Variants in C1orf159 observed in about 807,000 individuals in gnomAD.
C1orf159 encodes the protein uncharacterized protein C1orf159.
Under a neutral mutation model 25.6 loss-of-function variants are expected in C1orf159, and 19 were observed. The ratio of observed to expected loss-of-function variants is 0.74; its 90% CI spans 0.52 to 1.09. C1orf159 has a LOEUF of 1.09. C1orf159 is among the 50% of genes least tolerant of loss of function. The probability of loss-of-function intolerance (pLI) is 0.00; values close to 1 mark genes in which losing one functional copy is unlikely to be tolerated. For missense variants in C1orf159, 274 were observed against 290.6 expected, an observed-to-expected ratio of 0.94 and a Z score of 0.42; for synonymous variants, 139 against 124.7, an observed-to-expected ratio of 1.12 and a Z score of -0.77.
chr1:1,092,153 G>C lies in C1orf159; in HGVS notation c.-135-50C>G, dbSNP rs543575112. ...GCCGTGGTCACGCGAGGGCAACCCA[G>C]GTGGGCCGTGGCCTACGGTGCGGGG... On this transcript the variant is annotated intron_variant, in intron 1 of 9. Transcript: ENST00000421241. The C allele has an allele frequency of 5.3e-4, 192 of 362,288 alleles. 1 individual carries two copies. The highest frequency in any genetic ancestry group is 3.8e-3 in the African/African-American group (178 of 47,282). 22.4% of individuals were successfully genotyped at this position (362,288 alleles called of 1,614,324 possible).
At chr1:1,086,089 C>T (rs1159652202) in intron 6 of C1orf159, 77 bp from the exon 7 acceptor site, 3 of 1,539,486 alleles carry the variant, frequency 1.9e-6, no homozygotes, top group Non-Finnish European at 1.8e-6. Context: ...GCCCCCTGCA[C>T]ATGGCAGATG....
intron 4 of C1orf159, 25 bp downstream of exon 4, chr1:1,090,328 A>G: frequency 6.5e-7 from 1 of 1,550,064 alleles, no homozygotes; most frequent in Non-Finnish European, 8.7e-7. Flanking sequence ...CCGGTCTGGA[A>G]TCTGCTTGGG....
At position 1,083,049 on chromosome 1, in the gene C1orf159, C is replaced by T. The variant is rs114324980; in HGVS notation, c.503-62G>A. ...ACCTGGACAGCAGGGACAGTGCAGG[C>T]CTCAGCCCTCACCGGAGGCTCTCGG... On this transcript the variant is annotated intron_variant, in intron 9 of 9. Transcript: ENST00000421241. The T allele has an allele frequency of 7.1e-4, 978 of 1,380,346 alleles. 3 individuals are homozygous for T. The African/African-American group carries it at 0.012, about 18-fold the overall frequency. 85.5% of individuals were successfully genotyped at this position (1,380,346 alleles called of 1,614,324 possible).
chr1:1,109,223 C>T (rs948601348), intron 1 of C1orf159, among the ~76,000 whole-genome samples: 4 of 152,172 alleles, frequency 2.6e-5, no homozygotes, highest in Admixed American at 6.5e-5. Context: ...TGGACGCATG[C>T]TACAACAGGA....
Position 1,087,239 on chromosome 1 carries a change from CA to C in C1orf159, c.245-36del, listed in dbSNP as rs1365037409. 6.4e-7 allele frequency: 1 copy of C among 1,569,768 alleles called. No homozygotes were observed. Among genetic ancestry groups the C allele is most frequent in the Non-Finnish European group, 8.6e-7 (1 of 1,157,106 alleles). Reference sequence around the variant, plus strand: ...AGCAGAACTGTGGGAAGCCTGTGTGCACGGAGCCCACGGGGACACCCACGTG... The same window carrying C: ...AGCAGAACTGTGGGAAGCCTGTGTGCCGGAGCCCACGGGGACACCCACGTG... On this transcript the variant is annotated intron_variant, in intron 5 of 9. Transcript: ENST00000421241. The surrounding 1 kb of genome is among the most constrained non-coding windows in gnomAD (Gnocchi z 8.3).
In C1orf159 at chr1:1,082,472, T is replaced by G; in HGVS notation, c.*421A>C. 1 of 228,654 alleles carries G rather than the reference T, an allele frequency of 4.4e-6. No individual in the cohort carries two copies. Among genetic ancestry groups the G allele is most frequent in the Non-Finnish European group, 8.8e-6 (1 of 113,228 alleles). The allele number at this position is 228,654 out of a possible 1,614,324, so 14.2% of individuals were successfully genotyped here. On this transcript the variant is annotated 3_prime_UTR_variant, in exon 10 of 10. Coordinates refer to ENST00000421241, the MANE Select transcript of C1orf159 (RefSeq NM_017891.5). ...CAGAGGGGTCTCGGGCCACTGGGTG[T>G]GGTGGTGCTGGAGGAGTCCTGCCCG...
intron 1 of C1orf159, among the ~76,000 whole-genome samples, chr1:1,112,184 C>T (rs1388938717): frequency 2.0e-5 from 3 of 152,190 alleles, no homozygotes; most frequent in Non-Finnish European, 4.4e-5. Context: ...GAAAGACAGG[C>T]TCCCAATAGC....
chr1:1,086,550 G>C (rs1392710558), intron 6 of C1orf159, among the ~76,000 whole-genome samples: 1 of 152,248 alleles, frequency 6.6e-6, no homozygotes, highest in East Asian at 1.9e-4. Flanking sequence ...CTGGGGAGGA[G>C]ACTCCCCAAC....
intron 4 of C1orf159, among the ~76,000 whole-genome samples, chr1:1,090,058 T>C (rs1455220317): frequency 6.6e-6 from 1 of 152,136 alleles, no homozygotes; most frequent in Non-Finnish European, 1.5e-5. Context: ...ATGGCTGAGC[T>C]CATGGGCCAC....
intron 7 of C1orf159, among the ~76,000 whole-genome samples, chr1:1,084,776 A>G (rs1570299588): frequency 6.6e-6 from 1 of 151,944 alleles, no homozygotes; most frequent in East Asian, 1.9e-4. Flanking sequence ...CGCTCCCTGG[A>G]CCCACCTTCC....
rs975273610 is a variant in C1orf159, at chr1:1,082,575, A to T, written c.*318T>A. Reference sequence around the variant, plus strand: ...CGGCACCTGCCCCATAGATCGTGCCAGCTTTGGCTGCAGGCGCTGGGGCCT... The same window carrying T: ...CGGCACCTGCCCCATAGATCGTGCCTGCTTTGGCTGCAGGCGCTGGGGCCT... On this transcript the variant is annotated 3_prime_UTR_variant, in exon 10 of 10. Transcript: ENST00000421241. The T allele has an allele frequency of 9.9e-6, 4 of 403,088 alleles. No homozygotes were observed. Among genetic ancestry groups the T allele is most frequent in the African/African-American group, 8.4e-5 (4 of 47,864 alleles). 25.0% of individuals were successfully genotyped at this position (403,088 alleles called of 1,614,324 possible).
chr1:1,083,840 G>C, intron 9 of C1orf159: 1 of 1,362,018 alleles, frequency 7.3e-7, no homozygotes. Context: ...CCCTGCTCAT[G>C]GCCTTGGAGC....
chr1:1,085,735 A>G, intron 7 of C1orf159, 143 bp downstream of exon 7: 9 of 1,104,990 alleles, frequency 8.1e-6, no homozygotes, highest in Non-Finnish European at 1.1e-5. Context: ...CCGGGACCCA[A>G]AAGCCACAGG....
chr1:1,091,428 A>G lies in C1orf159; in HGVS notation c.72+44T>C, dbSNP rs1469008280. 7.3e-6 allele frequency: 11 copies of G among 1,514,646 alleles called. No individual in the cohort carries two copies. In the Admixed American group the frequency reaches 2.2e-4, roughly 30 times the overall value. 93.8% of individuals were successfully genotyped at this position (1,514,646 alleles called of 1,614,324 possible). ...GGGAAGGGCCCACCGCCCTCCACAG[A>G]GGCTCTGGCTTAGGCCGCGTGGACA... On this transcript the variant is annotated intron_variant, in intron 3 of 9. Transcript: ENST00000421241.
Position 1,084,232 on chromosome 1 carries a change from C to T in C1orf159, c.502+121G>A, listed in dbSNP as rs1480661984. Reference sequence around the variant, plus strand: ...CCTTGTGGGTGGGTCTCCTGGGGACCCGGGCAGGGGTGGCCGAGATCCAGA... The same window carrying T: ...CCTTGTGGGTGGGTCTCCTGGGGACTCGGGCAGGGGTGGCCGAGATCCAGA... On this transcript the variant is annotated intron_variant, in intron 9 of 9. Coordinates refer to ENST00000421241, the MANE Select transcript of C1orf159 (RefSeq NM_017891.5). 2.6e-6 allele frequency: 4 copies of T among 1,520,430 alleles called. 1 individual carries two copies. The South Asian group carries it at 5.3e-5, about 20-fold the overall frequency. 94.2% of individuals were successfully genotyped at this position (1,520,430 alleles called of 1,614,324 possible).
intron 1 of C1orf159, among the ~76,000 whole-genome samples, chr1:1,111,532 T>TCAA (rs1049939403): frequency 2.0e-5 from 3 of 152,206 alleles, no homozygotes; most frequent in East Asian, 1.9e-4. Context: ...AGACCCCGTC[T>TCAA]CAACAACAAC....
intron 1 of C1orf159, among the ~76,000 whole-genome samples, chr1:1,112,118 GTGA>G (rs946302125): frequency 6.6e-6 from 1 of 152,212 alleles, no homozygotes; most frequent in African/African-American, 2.4e-5. Flanking sequence ...CCACCATCAG[GTGA>G]TGGTCAGGTG....
intron 1 of C1orf159, among the ~76,000 whole-genome samples, chr1:1,097,713 C>A (rs970411712): frequency 6.6e-6 from 1 of 151,790 alleles, no homozygotes; most frequent in African/African-American, 2.4e-5. Flanking sequence ...GTGAACCACC[C>A]ACCTCACCTG....
At position 1,087,432 on chromosome 1, in the gene C1orf159, A is replaced by G; in HGVS notation, c.244+70T>C. 1.4e-6 allele frequency: 2 copies of G among 1,404,312 alleles called. No individual in the cohort carries two copies. Among genetic ancestry groups the G allele is most frequent in the Non-Finnish European group, 1.9e-6 (2 of 1,028,386 alleles). The allele number at this position is 1,404,312 out of a possible 1,614,324, so 87.0% of individuals were successfully genotyped here. ...TCTGGGGCAAGGTGGGGACACAGAC[A>G]GCAACTCCCACAGTGTCTCCCACAG... On this transcript the variant is annotated intron_variant, in intron 5 of 9. Transcript: ENST00000421241. The surrounding 1 kb of genome is among the most constrained non-coding windows in gnomAD (Gnocchi z 8.3).
Sources: gnomAD v4.1 joint callset for allele counts (sites outside exome capture counted in the v4.1 genomes callset) on GRCh38, gnomAD v4.1.1 for gene constraint, Gnocchi (gnomAD v3.1) non-coding constraint, MANE v1.5 for transcripts, NCBI Gene and HGNC (gene_info 2026-07-23, HGNC 2026-07-21) for gene names.